Variants in PYM1 observed in about 807,000 individuals in gnomAD.
PYM1 encodes PYM1 exon junction complex associated factor, also known as partner of Y14 and mago.
A neutral mutation model predicts 20.7 loss-of-function variants in PYM1; 7 were observed. The observed-to-expected ratio is 0.34, with a 90% CI of 0.19 to 0.64. The LOEUF (loss-of-function observed/expected upper bound fraction) is 0.64, where lower values mean the gene tolerates loss of function less well. Among genes scored for constraint, PYM1 ranks in the 30% least tolerant of loss-of-function variants. PYM1 has a pLI of 0.74. For synonymous variants in PYM1, 100 were observed against 99.2 expected, an observed-to-expected ratio of 1.01 and a Z score of -0.05; for missense variants, 194 against 250.0, an observed-to-expected ratio of 0.78 and a Z score of 1.51.
At chr12:55,913,195 G>A (rs1027435553) in intron 1 of PYM1, among the ~76,000 whole-genome samples, 2 of 152,098 alleles carry the variant, frequency 1.3e-5, no homozygotes, top group Admixed American at 6.6e-5. Flanking sequence ...CTGTGCACTC[G>A]CAGCACCTGT....
intron 1 of PYM1, 88 bp from the exon 2 acceptor site, chr12:55,903,568 C>G (rs1882732626): frequency 8.1e-7 from 1 of 1,233,306 alleles, no homozygotes; most frequent in Non-Finnish European, 1.2e-6. Context: ...TACATACCAT[C>G]TCTCAGCACC....
At chr12:55,910,335 C>T (rs1882899793) in intron 1 of PYM1, among the ~76,000 whole-genome samples, 1 of 151,236 alleles carries the variant, frequency 6.6e-6, no homozygotes, top group Non-Finnish European at 1.5e-5. Context: ...GGCTGGAGTG[C>T]AGTAGCCCGA....
chr12:55,925,452 C>T (rs754033097), intron 1 of PYM1, among the ~76,000 whole-genome samples: 5 of 152,230 alleles, frequency 3.3e-5, no homozygotes, highest in Middle Eastern at 3.4e-3. Context: ...TTTGAAAATA[C>T]AAAGGAAAGT....
At chr12:55,927,660 C>T in intron 1 of PYM1, 65 bp downstream of exon 1, 2 of 1,528,534 alleles carry the variant, frequency 1.3e-6, no homozygotes, top group South Asian at 1.2e-5. Flanking sequence ...TGTCGGCCAA[C>T]CCACTCAACC....
intron 1 of PYM1, among the ~76,000 whole-genome samples, chr12:55,907,254 A>G (rs896210416): frequency 6.6e-6 from 1 of 151,772 alleles, no homozygotes; most frequent in Non-Finnish European, 1.5e-5. Context: ...ACACAAGTCC[A>G]GGAGTTCCAG....
At chr12:55,913,300 C>G (rs1167542275) in intron 1 of PYM1, among the ~76,000 whole-genome samples, 1 of 152,130 alleles carries the variant, frequency 6.6e-6, no homozygotes, top group Non-Finnish European at 1.5e-5. Context: ...GCCTGGCCCA[C>G]AGAAGACAGT....
intron 1 of PYM1, among the ~76,000 whole-genome samples, chr12:55,924,411 G>A (rs898426104): frequency 1.3e-5 from 2 of 152,004 alleles, no homozygotes; most frequent in Non-Finnish European, 2.9e-5. Flanking sequence ...GGCAGACTGA[G>A]GTGGGAAGAT....
chr12:55,926,957 G>A, intron 1 of PYM1: 3 of 1,071,656 alleles, frequency 2.8e-6, no homozygotes, highest in Non-Finnish European at 2.6e-6. Flanking sequence ...TGGGGAAGGC[G>A]GTCCGGGGGG....
Position 55,901,816 on chromosome 12 carries a change from G to T in PYM1, c.*56C>A. Reference sequence around the variant, plus strand: ...GACTGCTGTTGCCCGTATTCCCCCAGACCCCAGAGAGCCCCACGGTTTGTT... The same window carrying T: ...GACTGCTGTTGCCCGTATTCCCCCATACCCCAGAGAGCCCCACGGTTTGTT... On this transcript the variant is annotated 3_prime_UTR_variant, in exon 3 of 3. Transcript: ENST00000408946. 1 of 1,537,116 alleles carries T rather than the reference G, an allele frequency of 6.5e-7. No homozygotes were observed. The highest frequency in any genetic ancestry group is 1.3e-5 in the South Asian group (1 of 77,954).
rs541633785 is a variant in PYM1 at position 55,901,905 on chromosome 12, T to C, written c.582A>G (p.Glu194=). 3 of 1,613,296 alleles carry C rather than the reference T, an allele frequency of 1.9e-6. No individual in the cohort carries two copies. In the African/African-American group the frequency reaches 4.0e-5, roughly 22 times the overall value. ...LEKLARRRAL[E]EELEDLELGL is the part of the protein sequence containing the mutation. ...CTAACTCCAAGTCCTCTAACTCCTC[T>C]TCTAGCGCCCTCCTCCTTGCTAGCT... The change falls in exon 3 of 3, where the codon GAA becomes GAG. Residue 194 remains glutamate (E), a synonymous_variant. Transcript: ENST00000408946.
intron 1 of PYM1, among the ~76,000 whole-genome samples, chr12:55,911,095 T>C (rs1181220957): frequency 1.3e-5 from 2 of 152,104 alleles, no homozygotes; most frequent in Non-Finnish European, 2.9e-5. Flanking sequence ...GCTATGTTAA[T>C]ACAGAATTTT....
At chr12:55,904,806 G>T (rs539573450) in intron 1 of PYM1, among the ~76,000 whole-genome samples, 78 of 151,520 alleles carry the variant, frequency 5.1e-4, no homozygotes, top group African/African-American at 1.6e-3. Flanking sequence ...GAACCTGGGA[G>T]GCAGAGGTTG....
chr12:55,914,937 C>T (rs931136198), intron 1 of PYM1, among the ~76,000 whole-genome samples: 3 of 151,972 alleles, frequency 2.0e-5, no homozygotes, highest in Non-Finnish European at 2.9e-5. Flanking sequence ...AGGTGATGGC[C>T]GGGCATGGTG....
chr12:55,922,482 T>G (rs1883114687), intron 1 of PYM1, among the ~76,000 whole-genome samples: 1 of 147,126 alleles, frequency 6.8e-6, no homozygotes, highest in Non-Finnish European at 1.5e-5. Context: ...CTGGTCATGA[T>G]AGCACACGCC....
chr12:55,926,852 C>A (rs1422865378), intron 1 of PYM1, among the ~76,000 whole-genome samples: 2 of 152,128 alleles, frequency 1.3e-5, no homozygotes, highest in Non-Finnish European at 2.9e-5. Flanking sequence ...CAGGGACCAG[C>A]ACTGAAGGAC....
chr12:55,903,592 G>C, intron 1 of PYM1, 112 bp from the exon 2 acceptor site: 3 of 945,464 alleles, frequency 3.2e-6, no homozygotes, highest in Non-Finnish European at 4.8e-6. Flanking sequence ...TCATCCAAAT[G>C]CAACCATTAG....
chr12:55,901,735 G>A lies in PYM1; in HGVS notation c.*137C>T. The A allele has an allele frequency of 2.4e-6, 3 of 1,241,014 alleles. No individual in the cohort carries two copies. The highest frequency in any genetic ancestry group is 1.6e-5 in the African/African-American group (1 of 63,068). The allele number at this position is 1,241,014 out of a possible 1,614,324, so 76.9% of individuals were successfully genotyped here. ...ATTGAGGGAGACGCTAGGCTCTGGA[G>A]GACAGAGCTGGGCCGCAGGAGGTGG... On this transcript the variant is annotated 3_prime_UTR_variant, in exon 3 of 3. Coordinates refer to ENST00000408946, the MANE Select transcript of PYM1 (RefSeq NM_032345.3).
chr12:55,918,624 C>G (rs1226685267), intron 1 of PYM1, among the ~76,000 whole-genome samples: 9 of 152,092 alleles, frequency 5.9e-5, no homozygotes, highest in Non-Finnish European at 1.5e-5. Flanking sequence ...AATCCCAGCA[C>G]TGGGAGGCCA....
rs1883224675 is a variant in PYM1, at chr12:55,927,816, C to T, written c.-55G>A. The T allele has an allele frequency of 7.2e-6, 11 of 1,519,436 alleles. No individual in the cohort carries two copies. The highest frequency in any genetic ancestry group is 7.9e-6 in the Non-Finnish European group (9 of 1,137,664). The allele number at this position is 1,519,436 out of a possible 1,614,324, so 94.1% of individuals were successfully genotyped here. ...GGGCGGCCCTGGCCTGGCTCTGCCC[C>T]GCTGGGCGGCGCCGGGGATTCGGCG... is the stretch of plus-strand genomic sequence containing the variant. On this transcript the variant is annotated 5_prime_UTR_variant, in exon 1 of 3. Coordinates refer to ENST00000408946, the MANE Select transcript of PYM1 (RefSeq NM_032345.3).
Sources: allele counts gnomAD v4.1 joint callset (sites outside exome capture counted in the v4.1 genomes callset), GRCh38; gene constraint gnomAD v4.1.1; transcripts MANE v1.5; gene names NCBI Gene and HGNC (gene_info 2026-07-23, HGNC 2026-07-21).